The following NRG3 variants were observed in gnomAD, a reference collection of about 807,000 sequenced individuals.
The protein encoded by NRG3 is pro-neuregulin-3, membrane-bound isoform.
A neutral mutation model predicts 66.9 loss-of-function variants in NRG3; 31 were observed. The ratio of observed to expected loss-of-function variants is 0.46; its 90% CI spans 0.35 to 0.63. The LOEUF is 0.63. Among genes scored for constraint, NRG3 ranks in the 20% least tolerant of loss-of-function variants. The pLI, the probability that NRG3 is intolerant of heterozygous loss-of-function variation, is 0.00. For synonymous variants in NRG3, 393 were observed against 359.4 expected, an observed-to-expected ratio of 1.09 and a Z score of -1.06; for missense variants, 910 against 878.9, an observed-to-expected ratio of 1.04 and a Z score of -0.45.
intron 1 of NRG3, among the ~76,000 whole-genome samples, chr10:82,253,883 T>G (rs1271776392): frequency 1.3e-5 from 2 of 152,232 alleles, no homozygotes; most frequent in African/African-American, 4.8e-5. Context: ...GATCTTATTT[T>G]AGTTTCTTGA....
intron 2 of NRG3, among the ~76,000 whole-genome samples, chr10:82,398,428 G>A (rs2086853885): frequency 6.6e-6 from 1 of 151,796 alleles, no homozygotes; most frequent in Non-Finnish European, 1.5e-5. Flanking sequence ...AAGCTAATTT[G>A]AACAAGTGAG....
intron 3 of NRG3, chr10:82,827,204 TAAAA>T (rs5786573): frequency 0.013 from 2,405 of 192,140 alleles, no homozygotes; most frequent in South Asian, 0.016. Context: ...TACCAAATTG[TAAAA>T]AAAAAAAAAA....
chr10:82,362,545 TG>T lies in NRG3; in HGVS notation c.953+3680del, dbSNP rs200236897. On this transcript the variant is annotated intron_variant, in intron 2 of 8. Coordinates refer to ENST00000372141, the MANE Select transcript of NRG3 (RefSeq NM_001010848.4). ...CTCACCACCATGCCCAGATAATTTC[TG>T]GGTTTTTTTTTTTTTTTTTTTTTCG... is the stretch of plus-strand genomic sequence containing the variant. 9.1e-4 allele frequency among the ~76,000 whole-genome samples: 74 copies of T among 81,726 alleles called. 9 individuals are homozygous for T. The highest frequency in any genetic ancestry group is 3.8e-3 in the African/African-American group (66 of 17,430). The allele number at this position is 81,726 out of a possible 152,430, so 53.6% of individuals were successfully genotyped here. A position where few individuals can be genotyped will look rare whatever the true frequency, so the allele number is the denominator to read the frequency against.
At chr10:82,808,864 C>T (rs770575684) in intron 3 of NRG3, among the ~76,000 whole-genome samples, 6 of 152,134 alleles carry the variant, frequency 3.9e-5, no homozygotes, top group Non-Finnish European at 7.3e-5. Flanking sequence ...ACTAAAATTA[C>T]GTGAATTTTT....
intron 1 of NRG3, among the ~76,000 whole-genome samples, chr10:81,931,283 T>G (rs1403426998): frequency 6.6e-6 from 1 of 152,206 alleles, no homozygotes; most frequent in Non-Finnish European, 1.5e-5. Context: ...CTCAAAAGTT[T>G]GATCCAAGGG....
At chr10:82,441,808 G>T (rs1045399612) in intron 2 of NRG3, among the ~76,000 whole-genome samples, 1 of 152,176 alleles carries the variant, frequency 6.6e-6, no homozygotes, top group African/African-American at 2.4e-5. Context: ...AGCCTGCTGT[G>T]GTGACCAATC....
chr10:82,460,027 C>G (rs1424522139), intron 2 of NRG3, among the ~76,000 whole-genome samples: 1 of 152,170 alleles, frequency 6.6e-6, no homozygotes, highest in Non-Finnish European at 1.5e-5. Flanking sequence ...TGCTTCTTGC[C>G]TCTCCCTAAC....
intron 2 of NRG3, among the ~76,000 whole-genome samples, chr10:82,734,260 G>A (rs1483595440): frequency 3.3e-5 from 5 of 152,158 alleles, no homozygotes; most frequent in Non-Finnish European, 7.3e-5. Flanking sequence ...AATGATAGAA[G>A]GGGGTGCTTT....
chr10:82,629,921 T>C (rs145486781), intron 2 of NRG3, among the ~76,000 whole-genome samples: 1 of 152,210 alleles, frequency 6.6e-6, no homozygotes, highest in Non-Finnish European at 1.5e-5. Flanking sequence ...TCTTTGTGTA[T>C]GAAGAGAAAG....
At chr10:82,607,924 A>G (rs1218475148) in intron 2 of NRG3, among the ~76,000 whole-genome samples, 1 of 152,084 alleles carries the variant, frequency 6.6e-6, no homozygotes, top group Non-Finnish European at 1.5e-5. Flanking sequence ...TCACTTTTCC[A>G]TGAGTTACAA....
intron 2 of NRG3, among the ~76,000 whole-genome samples, chr10:82,434,874 A>T (rs2090036130): frequency 6.6e-6 from 1 of 152,060 alleles, no homozygotes; most frequent in South Asian, 2.1e-4. Context: ...TTTTGCACTG[A>T]TGTTCATCAG....
chr10:82,804,362 G>A (rs1199187766), intron 3 of NRG3, among the ~76,000 whole-genome samples: 1 of 152,136 alleles, frequency 6.6e-6, no homozygotes, highest in African/African-American at 2.4e-5. Flanking sequence ...CAAAGGTTTT[G>A]GCTACAATGC....
Position 82,304,365 on chromosome 10 carries a change from A to G in NRG3, c.824-54374A>G, listed in dbSNP as rs147575283. Among the ~76,000 whole-genome samples the G allele has an allele frequency of 1.5e-3, 224 of 152,254 alleles. 4 individuals carry two copies. In the East Asian group the frequency reaches 0.041, roughly 28 times the overall value. ...TGTCTTTTTCTTGTTTTCCGGGAGC[A>G]CTTGACCTATTAGAAACATAAACTC... is the stretch of plus-strand genomic sequence containing the variant. On this transcript the variant is annotated intron_variant, in intron 1 of 8. Coordinates refer to ENST00000372141, the MANE Select transcript of NRG3 (RefSeq NM_001010848.4).
At chr10:82,340,826 AT>A (rs1368845857) in intron 1 of NRG3, 1 of 152,168 alleles carries the variant, frequency 6.6e-6, no homozygotes, top group Non-Finnish European at 1.5e-5. Flanking sequence ...GAAAGTTGTC[AT>A]GGCCGTGCAC....
At chr10:82,214,476 G>A (rs546934830) in intron 1 of NRG3, among the ~76,000 whole-genome samples, 17 of 152,036 alleles carry the variant, frequency 1.1e-4, no homozygotes, top group African/African-American at 2.9e-4. Context: ...TCCACCCCCC[G>A]CCCTTGGAGA....
chr10:82,218,598 T>C (rs2075795940), intron 1 of NRG3, among the ~76,000 whole-genome samples: 1 of 152,130 alleles, frequency 6.6e-6, no homozygotes, highest in Non-Finnish European at 1.5e-5. Context: ...AGCCCAGAAC[T>C]TCCAGCCTGT....
At chr10:81,912,589 G>C (rs1845272235) in intron 1 of NRG3, among the ~76,000 whole-genome samples, 1 of 152,234 alleles carries the variant, frequency 6.6e-6, no homozygotes, top group South Asian at 2.1e-4. Context: ...TGGTGGGGGA[G>C]CAGGTAGCAG....
At chr10:82,408,154 GAA>G (rs1427999353) in intron 2 of NRG3, among the ~76,000 whole-genome samples, 1 of 143,932 alleles carries the variant, frequency 6.9e-6, no homozygotes, top group Admixed American at 6.9e-5. Flanking sequence ...AAAAGAAAAA[GAA>G]AAGTAACAAT....
At chr10:82,517,458 A>G (rs1301278116) in intron 2 of NRG3, among the ~76,000 whole-genome samples, 1 of 152,328 alleles carries the variant, frequency 6.6e-6, no homozygotes, top group East Asian at 1.9e-4. Context: ...TTACTTAAAT[A>G]TCCAGTGATC....
Sources: gnomAD v4.1 joint callset for allele counts (sites outside exome capture counted in the v4.1 genomes callset) on GRCh38, gnomAD v4.1.1 for gene constraint, MANE v1.5 for transcripts, NCBI Gene and HGNC (gene_info 2026-07-23, HGNC 2026-07-21) for gene names.